The following SLC16A7 variants were observed in gnomAD, a reference collection of about 807,000 sequenced individuals.
The protein encoded by SLC16A7 is monocarboxylate transporter 2.
In SLC16A7, 33 loss-of-function variants were observed where a neutral mutation model predicts 34.9. The ratio of observed to expected loss-of-function variants is 0.94; its 90% CI spans 0.72 to 1.26. The LOEUF is 1.26. SLC16A7 is among the 50% of genes most tolerant of loss of function. The probability of loss-of-function intolerance (pLI) is 0.00; values close to 1 mark genes in which losing one functional copy is unlikely to be tolerated. For synonymous variants in SLC16A7, 201 were observed against 206.6 expected (o/e 0.97, Z 0.23); for missense variants, 573 against 578.1 (o/e 0.99, Z 0.09).
intron 3 of SLC16A7, among the ~76,000 whole-genome samples, chr12:59,767,713 A>G (rs1307309048): frequency 6.6e-6 from 1 of 152,106 alleles, no homozygotes; most frequent in Non-Finnish European, 1.5e-5. Context: ...CACCTGGGTC[A>G]CCCAGGAGCT....
intron 3 of SLC16A7, among the ~76,000 whole-genome samples, chr12:59,714,604 G>A (rs572476720): frequency 2.8e-4 from 41 of 148,818 alleles, no homozygotes; most frequent in South Asian, 1.7e-3. Flanking sequence ...TTGCTCTGCC[G>A]CCCAGGCTGG....
At chr12:59,645,548 C>A (rs1266821928) in intron 1 of SLC16A7, among the ~76,000 whole-genome samples, 1 of 152,106 alleles carries the variant, frequency 6.6e-6, no homozygotes, top group Non-Finnish European at 1.5e-5. Context: ...CTTCTTGAGG[C>A]CCTCCCAGCC....
chr12:59,626,091 G>T (rs1470908163), intron 1 of SLC16A7, among the ~76,000 whole-genome samples: 1 of 151,648 alleles, frequency 6.6e-6, no homozygotes, highest in African/African-American at 2.4e-5. Flanking sequence ...AGGCAAAAAA[G>T]AATATATCAG....
chr12:59,651,657 C>A (rs945974115), intron 1 of SLC16A7, among the ~76,000 whole-genome samples: 1 of 152,102 alleles, frequency 6.6e-6, no homozygotes, highest in African/African-American at 2.4e-5. Context: ...TGTCATTTAC[C>A]AGCAAAAGAA....
At chr12:59,620,134 GT>G (rs951516365) in intron 1 of SLC16A7, among the ~76,000 whole-genome samples, 88 of 149,198 alleles carry the variant, frequency 5.9e-4, no homozygotes, top group African/African-American at 2.0e-3. Flanking sequence ...ATACTGTGTG[GT>G]TTTTTTTTTC....
At chr12:59,753,502 A>G (rs1418071923) in intron 3 of SLC16A7, among the ~76,000 whole-genome samples, 4 of 152,168 alleles carry the variant, frequency 2.6e-5, no homozygotes, top group Non-Finnish European at 4.4e-5. Context: ...ATCAAAAGAG[A>G]CAAAGAAGAC....
rs1883746236 is a variant in SLC16A7, at chr12:59,788,084, T to C, written c.*8405T>C. ...TCCTAGAATGAATAATTCTCCTTTT[T>C]TGATAGATTTTTGAAATTGTTTTAC... On this transcript the variant is annotated 3_prime_UTR_variant, in exon 6 of 6. Coordinates refer to ENST00000547379, the MANE Select transcript of SLC16A7 (RefSeq NM_001270623.2). 1.3e-5 allele frequency: 2 copies of C among 151,552 alleles called. No individual in the cohort carries two copies. The highest frequency in any genetic ancestry group is 4.9e-5 in the African/African-American group (2 of 40,838). 9.4% of individuals were successfully genotyped at this position (151,552 alleles called of 1,614,324 possible).
At chr12:59,609,407 T>C (rs920632148) in intron 1 of SLC16A7, among the ~76,000 whole-genome samples, 12 of 152,150 alleles carry the variant, frequency 7.9e-5, no homozygotes, top group African/African-American at 2.9e-4. Flanking sequence ...CTGCAGTAGT[T>C]GTTTTATTCT....
At position 59,713,807 on chromosome 12, in the gene SLC16A7, A is replaced by G. The variant is rs149632026; in HGVS notation, c.217+8789A>G. Among the ~76,000 whole-genome samples, 75 of 152,322 alleles carry G rather than the reference A, an allele frequency of 4.9e-4. 6 individuals are homozygous for G. Among genetic ancestry groups the G allele is most frequent in the African/African-American group, 1.7e-3 (69 of 41,576 alleles). ...CAGCATCACAATTAAGAAGAAAACT[A>G]TACATAATTTCACTCATTCATTTAT... On this transcript the variant is annotated intron_variant, in intron 3 of 5. Transcript: ENST00000547379.
intron 1 of SLC16A7, among the ~76,000 whole-genome samples, chr12:59,612,910 A>G (rs928213637): frequency 6.6e-6 from 1 of 152,128 alleles, no homozygotes; most frequent in African/African-American, 2.4e-5. Context: ...GAAGTTCCAA[A>G]CTTTCCTACA....
At chr12:59,680,820 T>C (rs576768717) in intron 2 of SLC16A7, among the ~76,000 whole-genome samples, 4 of 152,280 alleles carry the variant, frequency 2.6e-5, no homozygotes, top group South Asian at 2.1e-4. Flanking sequence ...ATAGTAATAA[T>C]TGTAGTTCTT....
At chr12:59,709,330 G>A (rs1873952216) in intron 3 of SLC16A7, among the ~76,000 whole-genome samples, 2 of 151,572 alleles carry the variant, frequency 1.3e-5, no homozygotes, top group Admixed American at 1.3e-4. Context: ...TTGTGCTAAA[G>A]TAAGGGTGAT....
At chr12:59,659,717 C>G (rs1034135772) in intron 2 of SLC16A7, among the ~76,000 whole-genome samples, 1 of 151,992 alleles carries the variant, frequency 6.6e-6, no homozygotes, top group African/African-American at 2.4e-5. Context: ...TAGGCTTTCC[C>G]TTGTATGGGA....
At chr12:59,684,553 T>C (rs1871001915) in intron 2 of SLC16A7, among the ~76,000 whole-genome samples, 1 of 152,046 alleles carries the variant, frequency 6.6e-6, no homozygotes, top group Non-Finnish European at 1.5e-5. Context: ...ACATAGTGTC[T>C]CTGGTGGAGA....
intron 2 of SLC16A7, among the ~76,000 whole-genome samples, chr12:59,699,823 A>G (rs1042582467): frequency 6.6e-6 from 1 of 151,802 alleles, no homozygotes; most frequent in African/African-American, 2.4e-5. Flanking sequence ...TTGTTATGCA[A>G]CACTTACATT....
At chr12:59,682,823 A>G (rs1331408571) in intron 2 of SLC16A7, among the ~76,000 whole-genome samples, 1 of 152,170 alleles carries the variant, frequency 6.6e-6, no homozygotes, top group Non-Finnish European at 1.5e-5. Context: ...GTAATCCCAC[A>G]CTTTGGGAGG....
Position 59,775,403 on chromosome 12 carries a change from A to T in SLC16A7, c.1108A>T (p.Arg370Ter). ...TCTCATGGACCTCGTGGGTGCACCAAGATTTTCCAGTGCCGTCGGACTTGT... is the reference window on the plus strand; with the variant it reads ...TCTCATGGACCTCGTGGGTGCACCATGATTTTCCAGTGCCGTCGGACTTGT... The part of the protein sequence containing the change: ...ETLMDLVGAP[R>*]FSSAVGLVTI... Residue 370 changes from arginine (R) to a stop codon, truncating the protein, a stop_gained, in exon 5 of 6, where the codon AGA becomes TGA. Coordinates refer to ENST00000547379, the MANE Select transcript of SLC16A7 (RefSeq NM_001270623.2). LOFTEE classifies it high-confidence loss of function. 1 of 1,614,116 alleles carries T rather than the reference A, an allele frequency of 6.2e-7. No individual in the cohort carries two copies. The highest frequency in any genetic ancestry group is 8.5e-7 in the Non-Finnish European group (1 of 1,179,980).
At chr12:59,756,453 A>T (rs1880359954) in intron 3 of SLC16A7, among the ~76,000 whole-genome samples, 1 of 152,026 alleles carries the variant, frequency 6.6e-6, no homozygotes, top group African/African-American at 2.4e-5. Flanking sequence ...GAAGGACATG[A>T]ACAGACACTT....
intron 2 of SLC16A7, among the ~76,000 whole-genome samples, chr12:59,679,301 C>T (rs112728331): frequency 0.071 from 10,849 of 152,170 alleles, 432 homozygotes; most frequent in Middle Eastern, 0.17. Context: ...GTGGGACTTC[C>T]GCCTATTCCC....
Sources: gnomAD v4.1 joint callset for allele counts (sites outside exome capture counted in the v4.1 genomes callset) on GRCh38, gnomAD v4.1.1 for gene constraint, MANE v1.5 for transcripts, NCBI Gene and HGNC (gene_info 2026-07-23, HGNC 2026-07-21) for gene names.